HERC2: variants seen among roughly 807,000 people sequenced by gnomAD.
HERC2 encodes E3 ubiquitin-protein ligase HERC2.
HERC2 carries 102 observed loss-of-function variants against 537.7 expected under a neutral mutation model. The ratio of observed to expected loss-of-function variants is 0.19; its 90% CI spans 0.16 to 0.22. The LOEUF is 0.22. Ranked by LOEUF, HERC2 falls within the 10% of genes least tolerant of loss-of-function variation. The probability of loss-of-function intolerance (pLI) is 1.00; values close to 1 mark genes in which losing one functional copy is unlikely to be tolerated. For synonymous variants in HERC2, 2,224 were observed against 2,466.2 expected (o/e 0.90, Z 2.91); for missense variants, 4,236 against 6,198.2 (o/e 0.68, Z 10.63).
At chr15:28,197,682 C>T (rs538256605) in intron 50 of HERC2, among the ~76,000 whole-genome samples, 1 of 152,194 alleles carries the variant, frequency 6.6e-6, no homozygotes, top group Non-Finnish European at 1.5e-5. Context: ...AACCTGGGGG[C>T]GGAGGTTGCA....
At chr15:28,276,488 A>G (rs2075878048) in intron 5 of HERC2, among the ~76,000 whole-genome samples, 1 of 152,176 alleles carries the variant, frequency 6.6e-6, no homozygotes, top group African/African-American at 2.4e-5. Flanking sequence ...ACATGGGCCA[A>G]GTGTGGTCAG....
At chr15:28,119,786 T>C (rs1170804016) in intron 86 of HERC2, among the ~76,000 whole-genome samples, 1 of 152,144 alleles carries the variant, frequency 6.6e-6, no homozygotes, top group African/African-American at 2.4e-5. Context: ...ACCCAGTTTG[T>C]TTTTTCAATT....
At chr15:28,243,923 T>A (rs1903395335) in intron 23 of HERC2, among the ~76,000 whole-genome samples, 1 of 152,134 alleles carries the variant, frequency 6.6e-6, no homozygotes, top group South Asian at 2.1e-4. Context: ...GAGCGCTGGC[T>A]CATGCCTCTT....
chr15:28,315,703 AG>A lies in HERC2; in HGVS notation c.72+5658del. 7.2e-6 allele frequency: 6 copies of A among 832,370 alleles called. No homozygotes were observed. The Admixed American group carries it at 1.2e-4, about 16-fold the overall frequency. The allele number at this position is 832,370 out of a possible 1,614,324, so 51.6% of individuals were successfully genotyped here. On this transcript the variant is annotated intron_variant, in intron 2 of 92. Coordinates refer to ENST00000261609, the MANE Select transcript of HERC2 (RefSeq NM_004667.6). Reference sequence around the variant, plus strand: ...GGAAACCTCTGCGCCATGAGAGCCAAGTGGAGGAAGAAGCGAATGCGCAGGC... The same window carrying A: ...GGAAACCTCTGCGCCATGAGAGCCAATGGAGGAAGAAGCGAATGCGCAGGC...
At chr15:28,321,492 C>A in intron 1 of HERC2, 28 bp from the exon 2 acceptor site, 2 of 1,111,690 alleles carry the variant, frequency 1.8e-6, no homozygotes, top group Non-Finnish European at 2.7e-6. Flanking sequence ...CGCTGAAGAC[C>A]TAACGCTTTT....
At chr15:28,254,603 T>TG in intron 19 of HERC2, 85 bp from the exon 20 acceptor site, 4 of 845,784 alleles carry the variant, frequency 4.7e-6, no homozygotes, top group Non-Finnish European at 7.2e-6. Context: ...CTAACCCCAG[T>TG]GCCAAGCTAT....
At chr15:28,115,256 T>C (rs1888093227) in intron 89 of HERC2, 173 bp downstream of exon 89, 1 of 511,740 alleles carries the variant, frequency 2.0e-6, no homozygotes, top group African/African-American at 2.1e-5. Flanking sequence ...AGAAAATAGA[T>C]GGTCTATTTT....
intron 19 of HERC2, among the ~76,000 whole-genome samples, chr15:28,254,861 A>G (rs889967639): frequency 3.3e-5 from 5 of 152,256 alleles, no homozygotes; most frequent in African/African-American, 1.2e-4. Context: ...TGTAAGGACA[A>G]GAAGAAGCTG....
intron 20 of HERC2, among the ~76,000 whole-genome samples, chr15:28,249,489 T>A (rs951686292): frequency 2.6e-5 from 4 of 151,958 alleles, no homozygotes; most frequent in Non-Finnish European, 5.9e-5. Flanking sequence ...ATGTTTCTGG[T>A]TCCTCAGCAG....
intron 37 of HERC2, among the ~76,000 whole-genome samples, chr15:28,219,224 G>C (rs548596386): frequency 2.6e-5 from 4 of 152,234 alleles, no homozygotes; most frequent in African/African-American, 9.6e-5. Context: ...ACAAAGCACC[G>C]GCATCTGTGG....
chr15:28,165,224 G>T (rs1337372159), intron 68 of HERC2, among the ~76,000 whole-genome samples: 1 of 152,182 alleles, frequency 6.6e-6, no homozygotes, highest in Non-Finnish European at 1.5e-5. Context: ...GGAGGACCAT[G>T]GAGGCAGACT....
intron 50 of HERC2, among the ~76,000 whole-genome samples, chr15:28,197,131 T>G (rs970667771): frequency 6.6e-6 from 1 of 152,232 alleles, no homozygotes; most frequent in South Asian, 2.1e-4. Flanking sequence ...TTTGTTTTTA[T>G]GTAACATGAG....
chr15:28,241,107 A>G (rs1161233605), intron 23 of HERC2, among the ~76,000 whole-genome samples: 1 of 152,212 alleles, frequency 6.6e-6, no homozygotes, highest in Non-Finnish European at 1.5e-5. Context: ...AGAGTGAAAC[A>G]GCAACCGAAA....
chr15:28,161,744 C>T (rs1489817370), intron 69 of HERC2, among the ~76,000 whole-genome samples: 1 of 152,226 alleles, frequency 6.6e-6, no homozygotes, highest in Admixed American at 6.5e-5. Flanking sequence ...CAAAGTCCTA[C>T]AGACCCAGTG....
intron 56 of HERC2, among the ~76,000 whole-genome samples, chr15:28,182,740 T>C (rs545981913): frequency 6.6e-6 from 1 of 152,282 alleles, no homozygotes; most frequent in South Asian, 2.1e-4. Flanking sequence ...TACTAGCACT[T>C]AATTTCAGCC....
intron 16 of HERC2, among the ~76,000 whole-genome samples, chr15:28,260,528 C>T (rs527257387): frequency 2.0e-5 from 3 of 152,132 alleles, no homozygotes; most frequent in African/African-American, 4.8e-5. Context: ...GCAATCAGGC[C>T]GGGAAAAGAC....
intron 2 of HERC2, among the ~76,000 whole-genome samples, chr15:28,308,020 T>C (rs1398202161): frequency 6.6e-6 from 1 of 152,158 alleles, no homozygotes; most frequent in African/African-American, 2.4e-5. Context: ...TTATGAGAGC[T>C]TCGGCTATTC....
chr15:28,237,126 A>G lies in HERC2; in HGVS notation c.3853-13T>C. ...TTTCTTGGTCAGGCTGGAAAAATAA[A>G]TTTCATCATCAATCTGAGGAAACAG... On this transcript the variant is annotated splice_polypyrimidine_tract_variant and intron_variant, in intron 25 of 92. Transcript: ENST00000261609. 2.0e-6 allele frequency: 3 copies of G among 1,528,644 alleles called. No homozygotes were observed. Among genetic ancestry groups the G allele is most frequent in the Non-Finnish European group, 2.7e-6 (3 of 1,104,142 alleles). 94.7% of individuals were successfully genotyped at this position (1,528,644 alleles called of 1,614,324 possible). A position where few individuals can be genotyped will look rare whatever the true frequency, so the allele number is the denominator to read the frequency against.
intron 47 of HERC2, among the ~76,000 whole-genome samples, 166 bp downstream of exon 47, chr15:28,201,945 AAC>A (rs147046423): frequency 0.037 from 5,642 of 152,242 alleles, 317 homozygotes; most frequent in African/African-American, 0.13. Context: ...TCAGTAGTGA[AAC>A]ACAGCTTTGT....
Sources: gnomAD v4.1 joint callset for allele counts (sites outside exome capture counted in the v4.1 genomes callset) on GRCh38, gnomAD v4.1.1 for gene constraint, MANE v1.5 for transcripts, NCBI Gene and HGNC (gene_info 2026-07-23, HGNC 2026-07-21) for gene names.